Variants in SEZ6 observed in about 807,000 individuals in gnomAD.
SEZ6 encodes seizure related 6 homolog.
In SEZ6, 53 loss-of-function variants were observed where a neutral mutation model predicts 101.0. That is an observed-to-expected ratio of 0.52 (90% confidence interval 0.42 to 0.66). SEZ6 has a LOEUF of 0.66. Among genes scored for constraint, SEZ6 ranks in the 30% least tolerant of loss-of-function variants. The pLI is 0.00. For missense variants in SEZ6, 1,102 were observed against 1,289.4 expected (o/e 0.85, Z 2.23); for synonymous variants, 488 against 512.2 (o/e 0.95, Z 0.64).
chr17:28,960,130 G>C (rs919314334), intron 7 of SEZ6: 1 of 594,296 alleles, frequency 1.7e-6, no homozygotes, highest in African/African-American at 1.9e-5. Context: ...TTTGTGCTTA[G>C]TACACAGAAG....
intron 3 of SEZ6, among the ~76,000 whole-genome samples, chr17:28,977,497 C>T (rs1260728443): frequency 6.6e-6 from 1 of 152,210 alleles, no homozygotes; most frequent in East Asian, 1.9e-4. Flanking sequence ...CTCAAGGTTG[C>T]CTGGTAATGG....
rs1326252372 is a variant in SEZ6 at position 29,005,607 on chromosome 17, G to A, written c.55+208C>T. The stretch of plus-strand genomic sequence containing the variant: ...GATGATTAAAGACGAGGTCTCGGCC[G>A]GGCGCGAATGGCGGGAGCCGCGGCA... On this transcript the variant is annotated intron_variant, in intron 1 of 16. Transcript: ENST00000317338. This position sits in a 1 kb window ranked among gnomAD's most constrained non-coding sequence, Gnocchi z 4.8. 1.3e-5 allele frequency among the ~76,000 whole-genome samples: 2 copies of A among 151,744 alleles called. No homozygotes were observed. The highest frequency in any genetic ancestry group is 2.9e-5 in the Non-Finnish European group (2 of 67,918).
In SEZ6 at chr17:28,957,440, TG is replaced by T; in HGVS notation, c.2401del (p.Gln801ArgfsTer5). 1 of 1,613,742 alleles carries T rather than the reference TG, an allele frequency of 6.2e-7. No homozygotes were observed. The highest frequency in any genetic ancestry group is 8.5e-7 in the Non-Finnish European group (1 of 1,179,692). ...GGAGCTGCCCATCAGCACAAAACCC[TG>T]GTCACAGATATATTGCACGGTGGCC... ...VGATVQYICD[Q>X]GFVLMGSSIL... On this transcript the variant is annotated frameshift_variant, in exon 12 of 17. Coordinates refer to ENST00000317338, the MANE Select transcript of SEZ6 (RefSeq NM_178860.5). LOFTEE classifies it high-confidence loss of function.
rs772211343 is a variant in SEZ6, at chr17:28,957,063, G to A, written c.2674C>T (p.Pro892Ser). ...CACTCACCAGCCCTACAGATGGGTG[G>A]GGGGTCACTCCAATGCGAGGGGTGC... ...PGHPSHWSDP[P>S]PICRAASLDG... is the part of the protein sequence containing the mutation. The change falls in exon 13 of 17, where the codon CCA (proline) becomes TCA (serine). Residue 892 changes from proline to serine, a missense_variant. By Grantham distance (74) the Pro-to-Ser change is moderately conservative. Coordinates refer to ENST00000317338, the MANE Select transcript of SEZ6 (RefSeq NM_178860.5). 5.6e-6 allele frequency: 9 copies of A among 1,599,744 alleles called. No homozygotes were observed. Among genetic ancestry groups the A allele is most frequent in the South Asian group, 4.5e-5 (4 of 89,402 alleles).
Position 28,969,756 on chromosome 17 carries a change from C to A in SEZ6, c.1054+1G>T. 1 of 1,489,184 alleles carries A rather than the reference C, an allele frequency of 6.7e-7. No individual in the cohort carries two copies. The highest frequency in any genetic ancestry group is 8.9e-7 in the Non-Finnish European group (1 of 1,126,876). 92.2% of individuals were successfully genotyped at this position (1,489,184 alleles called of 1,614,324 possible). On this transcript the variant is annotated splice_donor_variant, in intron 4 of 16. Transcript: ENST00000317338. LOFTEE classifies it high-confidence loss of function. ...TCCACCTTCAACTACCCAGGCCTTACCTTGGTAATGGAAATGGAAGGTGCC... is the reference window on the plus strand; with the variant it reads ...TCCACCTTCAACTACCCAGGCCTTAACTTGGTAATGGAAATGGAAGGTGCC...
intron 5 of SEZ6, among the ~76,000 whole-genome samples, chr17:28,961,985 A>G (rs921687113): frequency 2.6e-5 from 4 of 152,168 alleles, no homozygotes; most frequent in Admixed American, 2.6e-4. Context: ...TCAGAATGGA[A>G]CTGCCCTTCA....
chr17:28,962,151 C>A (rs1371673360), intron 5 of SEZ6, among the ~76,000 whole-genome samples: 1 of 152,230 alleles, frequency 6.6e-6, no homozygotes, highest in Non-Finnish European at 1.5e-5. Flanking sequence ...CCCTCTGCTT[C>A]AGGCACACTT....
At chr17:28,966,848 T>C (rs757396842) in intron 4 of SEZ6, among the ~76,000 whole-genome samples, 1 of 152,240 alleles carries the variant, frequency 6.6e-6, no homozygotes, top group African/African-American at 2.4e-5. Context: ...CCTGTTACTA[T>C]GTCTGTGAAA....
intron 1 of SEZ6, among the ~76,000 whole-genome samples, chr17:28,986,930 A>G (rs2041392848): frequency 1.3e-5 from 2 of 152,218 alleles, no homozygotes; most frequent in Admixed American, 1.3e-4. Context: ...AAGAGGTGCC[A>G]GGCATTTCCC....
intron 1 of SEZ6, among the ~76,000 whole-genome samples, chr17:28,982,416 T>C (rs916967124): frequency 6.6e-6 from 1 of 152,164 alleles, no homozygotes; most frequent in Non-Finnish European, 1.5e-5. Context: ...AGAGGCCTTA[T>C]TTTACTAGTG....
intron 1 of SEZ6, among the ~76,000 whole-genome samples, chr17:29,002,824 AC>A (rs2041632863): frequency 6.6e-6 from 1 of 152,118 alleles, no homozygotes; most frequent in Non-Finnish European, 1.5e-5. Context: ...TCGTTTGTTA[AC>A]CCTTGCAGCA....
chr17:28,964,839 C>T (rs12941372), intron 4 of SEZ6, among the ~76,000 whole-genome samples: 18,496 of 151,962 alleles, frequency 0.12, 1,171 homozygotes, highest in South Asian at 0.25. Context: ...GGCGGATCAC[C>T]TGAGGTCGGG....
chr17:28,985,287 A>G (rs1196079514), intron 1 of SEZ6, among the ~76,000 whole-genome samples: 5 of 152,354 alleles, frequency 3.3e-5, no homozygotes, highest in Admixed American at 2.6e-4. Flanking sequence ...AGCTTCTGGC[A>G]TTGGGACTTG....
At chr17:28,964,995 G>A (rs1281412502) in intron 4 of SEZ6, among the ~76,000 whole-genome samples, 1 of 151,914 alleles carries the variant, frequency 6.6e-6, no homozygotes, top group East Asian at 1.9e-4. Context: ...GGTGGAGGTT[G>A]TGGTGAGCTG....
intron 7 of SEZ6, chr17:28,960,226 T>C: frequency 1.7e-6 from 1 of 580,474 alleles, no homozygotes; most frequent in East Asian, 2.9e-5. Context: ...AATTCTTTCT[T>C]AAGGGTTGAG....
chr17:28,981,169 T>C (rs1044865993), intron 2 of SEZ6, among the ~76,000 whole-genome samples: 1 of 152,240 alleles, frequency 6.6e-6, no homozygotes, highest in Non-Finnish European at 1.5e-5. Context: ...GTGCTGGGAT[T>C]ACAGGCATGA....
rs2040967035 is a variant in SEZ6 at position 28,960,883 on chromosome 17, T to A, written c.1331A>T (p.His444Leu). Residue 444 changes from histidine (H) to leucine (L), a missense_variant, in exon 6 of 17, where the codon CAC (histidine) becomes CTC (leucine). Around this residue, in one of 3 missense-constraint regions of SEZ6, gnomAD observed 556 missense variants for 735.1 expected, o/e 0.76. Transcript: ENST00000317338. ...PGNYSNNLTC[H>L]WLLEAPEGQR... is the part of the protein sequence containing the mutation. Reference sequence around the variant, plus strand: ...GCCCTCAGGAGCCTCAAGCAGCCAGTGACAGGTGAGGTTGTTGCTGTAGTT... The same window carrying A: ...GCCCTCAGGAGCCTCAAGCAGCCAGAGACAGGTGAGGTTGTTGCTGTAGTT... 1 of 1,613,830 alleles carries A rather than the reference T, an allele frequency of 6.2e-7. No individual in the cohort carries two copies. Among genetic ancestry groups the A allele is most frequent in the African/African-American group, 1.3e-5 (1 of 74,908 alleles).
intron 13 of SEZ6, 102 bp from the exon 14 acceptor site, chr17:28,956,859 C>A: frequency 6.9e-7 from 1 of 1,454,486 alleles, no homozygotes; most frequent in East Asian, 2.5e-5. Context: ...AAGGATTTGT[C>A]CAAGGAGAGG....
chr17:28,969,884 C>T lies in SEZ6; in HGVS notation c.927G>A (p.Leu309=). The T allele has an allele frequency of 3.9e-6, 6 of 1,541,658 alleles. No homozygotes were observed. Among genetic ancestry groups the T allele is most frequent in the African/African-American group, 1.4e-5 (1 of 69,818 alleles). ...TVEGLGGPDP[L]PLANQSFLLR... ...GCAGGAAAGACTGGTTGGCCAGGGG[C>T]AGTGGGTCAGGCCCCCCCAGGCCTT... Residue 309 remains leucine (L), a synonymous_variant, in exon 4 of 17, where the codon CTG becomes CTA. Transcript: ENST00000317338.
Sources: allele counts gnomAD v4.1 joint callset (sites outside exome capture counted in the v4.1 genomes callset), GRCh38; gene constraint gnomAD v4.1.1; regional missense constraint gnomAD v4.1.1; non-coding constraint Gnocchi (gnomAD v3.1); transcripts MANE v1.5; gene names NCBI Gene and HGNC (gene_info 2026-07-23, HGNC 2026-07-21).